The following TARBP1 variants were observed in gnomAD, a reference collection of about 807,000 sequenced individuals.
TARBP1 encodes tRNA guanosine 2 -O-methyltransferase TARBP1, also known as tRNA (guanosine(18)-2'-O)-methyltransferase TARBP1.
In TARBP1, 144 loss-of-function variants were observed where a neutral mutation model predicts 178.6. That is an observed-to-expected ratio of 0.81 (90% confidence interval 0.70 to 0.93). TARBP1 has a LOEUF of 0.93. Among genes scored for constraint, TARBP1 ranks in the 40% least tolerant of loss-of-function variants. The pLI, the probability that TARBP1 is intolerant of heterozygous loss-of-function variation, is 0.00. For missense variants in TARBP1, 2,067 were observed against 2,011.7 expected (o/e 1.03, Z -0.53); for synonymous variants, 787 against 781.0 (o/e 1.01, Z -0.13).
At chr1:234,419,928 G>A (rs1258983725) in intron 21 of TARBP1, among the ~76,000 whole-genome samples, 1 of 152,120 alleles carries the variant, frequency 6.6e-6, no homozygotes, top group Non-Finnish European at 1.5e-5. Flanking sequence ...AGATTGTAAA[G>A]AAAGAGGCTA....
intron 8 of TARBP1, among the ~76,000 whole-genome samples, chr1:234,458,305 T>C (rs1190659545): frequency 6.6e-6 from 1 of 152,018 alleles, no homozygotes; most frequent in African/African-American, 2.4e-5. Flanking sequence ...GATCGTGCCA[T>C]TGCACTCTAG....
At chr1:234,466,757 G>C (rs1430961718) in intron 4 of TARBP1, among the ~76,000 whole-genome samples, 1 of 152,058 alleles carries the variant, frequency 6.6e-6, no homozygotes, top group African/African-American at 2.4e-5. Context: ...CAGCTACTCA[G>C]GAGGCTGAGG....
At chr1:234,458,301 G>T (rs1667495200) in intron 8 of TARBP1, among the ~76,000 whole-genome samples, 1 of 152,054 alleles carries the variant, frequency 6.6e-6, no homozygotes, top group Non-Finnish European at 1.5e-5. Context: ...CCAAGATCGT[G>T]CCATTGCACT....
At chr1:234,467,372 C>T in intron 4 of TARBP1, 130 bp downstream of exon 4, 1 of 924,968 alleles carries the variant, frequency 1.1e-6, no homozygotes, top group Non-Finnish European at 1.5e-6. Context: ...AATAGGAAAG[C>T]TGGGTTTAGA....
chr1:234,466,469 G>A (rs927845596), intron 4 of TARBP1, among the ~76,000 whole-genome samples: 8 of 152,096 alleles, frequency 5.3e-5, no homozygotes, highest in African/African-American at 1.2e-4. Context: ...CTGAGATCAC[G>A]ATACTGCACT....
intron 3 of TARBP1, among the ~76,000 whole-genome samples, chr1:234,468,418 A>T (rs1346307241): frequency 6.6e-6 from 1 of 152,142 alleles, no homozygotes; most frequent in Non-Finnish European, 1.5e-5. Context: ...GAGTGAGCCC[A>T]GGCCCCGCCA....
chr1:234,393,468 T>C lies in TARBP1; in HGVS notation c.4454A>G (p.Glu1485Gly), dbSNP rs1487693322. Residue 1485 changes from glutamate (E) to glycine (G), a missense_variant, in exon 28 of 30, where the codon GAG becomes GGG. By Grantham distance (98) the Glu-to-Gly change is moderately conservative. Coordinates refer to ENST00000040877, the MANE Select transcript of TARBP1 (RefSeq NM_005646.4). ...AACGAGCACTGAAGCCCCAAATACC[T>C]CACAGGTCCTGCACAGTCCTGCACA... Reference protein sequence around the residue: ...TNLGGLCRTCEVFGASVLVVG... With the variant: ...TNLGGLCRTCGVFGASVLVVG... 2 of 1,605,274 alleles carry C rather than the reference T, an allele frequency of 1.2e-6. No homozygotes were observed. The highest frequency in any genetic ancestry group is 1.7e-6 in the Non-Finnish European group (2 of 1,175,888).
Position 234,467,567 on chromosome 1 carries a change from C to A in TARBP1, c.1183G>T (p.Gly395Cys). The change falls in exon 4 of 30, where the codon GGT becomes TGT. Residue 395 changes from glycine to cysteine, a missense_variant. Physicochemically the swap from Gly to Cys is radical, Grantham distance 159. Transcript: ENST00000040877. ...ESENKILSKE[G>C]VIHFLELYET... ...TACAGCTCCAAAAAATGGATAACACCTTCTTTGGACAGGATTTTGTTTTCA... is the reference window on the plus strand; with the variant it reads ...TACAGCTCCAAAAAATGGATAACACATTCTTTGGACAGGATTTTGTTTTCA... 1 of 1,607,750 alleles carries A rather than the reference C, an allele frequency of 6.2e-7. No homozygotes were observed. Among genetic ancestry groups the A allele is most frequent in the Non-Finnish European group, 8.5e-7 (1 of 1,178,186 alleles).
At position 234,393,379 on chromosome 1, in the gene TARBP1, A is replaced by G; in HGVS notation, c.4543T>C (p.Trp1515Arg). 2 of 1,566,476 alleles carry G rather than the reference A, an allele frequency of 1.3e-6. No homozygotes were observed. ...FQHLSVSAEQ[W>R]LPLVEVKPPQ... ...CCACCCACCTCCACTAGAGGAAGCC[A>G]CTGTTCTGCAGAGACACTGAGGTGC... Residue 1515 changes from tryptophan (W) to arginine (R), a missense_variant, in exon 28 of 30, where the codon TGG becomes CGG. Coordinates refer to ENST00000040877, the MANE Select transcript of TARBP1 (RefSeq NM_005646.4).
intron 20 of TARBP1, among the ~76,000 whole-genome samples, chr1:234,423,123 CT>C (rs1300854534): frequency 6.6e-6 from 1 of 152,226 alleles, no homozygotes; most frequent in Non-Finnish European, 1.5e-5. Context: ...AATTACTGCT[CT>C]AGACAAGCAT....
chr1:234,455,365 T>C (rs963862872), intron 9 of TARBP1, among the ~76,000 whole-genome samples: 16 of 152,168 alleles, frequency 1.1e-4, no homozygotes, highest in African/African-American at 3.6e-4. Flanking sequence ...TCATTTATTG[T>C]GGCATTGTCT....
At chr1:234,466,743 AT>A (rs1157142616) in intron 4 of TARBP1, among the ~76,000 whole-genome samples, 10 of 151,518 alleles carry the variant, frequency 6.6e-5, no homozygotes, top group African/African-American at 2.4e-4. Flanking sequence ...CCCACCTGTA[AT>A]CCCAGCTACT....
chr1:234,429,727 A>G (rs779019253), intron 15 of TARBP1, 50 bp from the exon 16 acceptor site: 35 of 1,357,116 alleles, frequency 2.6e-5, no homozygotes, highest in Admixed American at 1.7e-4. Flanking sequence ...ATTTGCCTCC[A>G]CGTCTTTTGC....
chr1:234,464,931 A>G (rs74147473), intron 5 of TARBP1, among the ~76,000 whole-genome samples: 4 of 152,226 alleles, frequency 2.6e-5, no homozygotes, highest in Non-Finnish European at 5.9e-5. Flanking sequence ...ACTGTGGCCT[A>G]TAAGTAGAGA....
chr1:234,429,973 C>T (rs1664249304), intron 15 of TARBP1, 114 bp downstream of exon 15: 1 of 1,087,178 alleles, frequency 9.2e-7, no homozygotes, highest in Non-Finnish European at 1.3e-6. Context: ...ACACTTTCAT[C>T]CTGAATGGAG....
chr1:234,425,838 A>C (rs757426501), intron 19 of TARBP1, 45 bp from the exon 20 acceptor site: 2 of 1,418,666 alleles, frequency 1.4e-6, no homozygotes, highest in South Asian at 2.6e-5. Flanking sequence ...TTTTGAAAAC[A>C]GAAAATTAAC....
rs1399412493 is a variant in TARBP1 at position 234,393,854 on chromosome 1, A to G, written c.4244-17T>C. The G allele has an allele frequency of 6.4e-7, 1 of 1,571,852 alleles. No individual in the cohort carries two copies. Among genetic ancestry groups the G allele is most frequent in the Non-Finnish European group, 8.7e-7 (1 of 1,149,008 alleles). Reference sequence around the variant, plus strand: ...AATTAGTACCTGGGAAGGAAAAAGAAAACAATCCCACATATAAATAAATCT... The same window carrying G: ...AATTAGTACCTGGGAAGGAAAAAGAGAACAATCCCACATATAAATAAATCT... On this transcript the variant is annotated splice_polypyrimidine_tract_variant and intron_variant, in intron 26 of 29. Coordinates refer to ENST00000040877, the MANE Select transcript of TARBP1 (RefSeq NM_005646.4).
At chr1:234,419,815 T>A (rs2103093729) in intron 21 of TARBP1, among the ~76,000 whole-genome samples, 1 of 152,012 alleles carries the variant, frequency 6.6e-6, no homozygotes, top group South Asian at 2.1e-4. Flanking sequence ...CAGAAGCAAT[T>A]CTTTTAGCTA....
chr1:234,430,783 A>C (rs1558196149), intron 14 of TARBP1, among the ~76,000 whole-genome samples: 1 of 152,192 alleles, frequency 6.6e-6, no homozygotes, highest in African/African-American at 2.4e-5. Flanking sequence ...CTACTTTTGG[A>C]GAAGTCACGT....
Sources: allele counts gnomAD v4.1 joint callset (sites outside exome capture counted in the v4.1 genomes callset), GRCh38; gene constraint gnomAD v4.1.1; transcripts MANE v1.5; gene names NCBI Gene and HGNC (gene_info 2026-07-23, HGNC 2026-07-21).